ESYT2: variants seen among roughly 807,000 people sequenced by gnomAD.
ESYT2 encodes extended synaptotagmin 2.
A neutral mutation model predicts 107.2 loss-of-function variants in ESYT2; 54 were observed. That is an observed-to-expected ratio of 0.50 (90% CI 0.40 to 0.63). The LOEUF is 0.63. Among genes scored for constraint, ESYT2 ranks in the 30% least tolerant of loss-of-function variants. ESYT2 has a pLI of 0.00. For missense variants in ESYT2, 1,020 were observed against 1,094.5 expected (o/e 0.93, Z 0.96); for synonymous variants, 491 against 434.1 (o/e 1.13, Z -1.63).
chr7:158,814,332 T>A lies in ESYT2; in HGVS notation c.330+14757A>T, dbSNP rs1354487956. Among the ~76,000 whole-genome samples the A allele has an allele frequency of 3.3e-3, 19 of 5,744 alleles. 4 individuals are homozygous for A. Among genetic ancestry groups the A allele is most frequent in the East Asian group, 0.014 (13 of 940 alleles). The allele number at this position is 5,744 out of a possible 152,430, so 3.8% of individuals were successfully genotyped here. ...ATATATATATATATATATATATATA[T>A]ATATATATATATATGAAATAATATA... On this transcript the variant is annotated intron_variant, in intron 1 of 22. Transcript: ENST00000275418.
rs200462803 is a variant in ESYT2 at position 158,734,458 on chromosome 7, A to G, written c.2519T>C (p.Leu840Pro). ...KGLLGKVLVA[L>P]ASEELAKGWT... ...GCCTTTGGCAAGTTCTTCAGATGCC[A>G]GAGCAACCAATACCTGTGGGTTGTT... Residue 840 changes from leucine to proline, a missense_variant, in exon 22 of 23, where the codon CTG (leucine) becomes CCG (proline). Coordinates refer to ENST00000275418, the MANE Select transcript of ESYT2 (RefSeq NM_001367773.1). The G allele has an allele frequency of 1.5e-5, 25 of 1,613,938 alleles. No homozygotes were observed. The highest frequency in any genetic ancestry group is 1.7e-4 in the Middle Eastern group (1 of 6,050).
At chr7:158,779,055 TA>T (rs1414550259) in intron 6 of ESYT2, among the ~76,000 whole-genome samples, 2 of 152,170 alleles carry the variant, frequency 1.3e-5, no homozygotes, top group Middle Eastern at 3.2e-3. Flanking sequence ...ATTTGGCAAG[TA>T]AAACCTCCAT....
chr7:158,800,807 C>T (rs968240650), intron 1 of ESYT2, among the ~76,000 whole-genome samples: 3 of 151,864 alleles, frequency 2.0e-5, no homozygotes, highest in African/African-American at 4.8e-5. Context: ...CGACTCGCCA[C>T]AACCTCCACC....
In ESYT2 at chr7:158,775,005, G is replaced by A. The variant is rs376512905; in HGVS notation, c.748-1609C>T. 3.2e-4 allele frequency among the ~76,000 whole-genome samples: 48 copies of A among 152,252 alleles called. 2 individuals carry two copies. The South Asian group carries it at 1.0e-2, about 32-fold the overall frequency. The stretch of plus-strand genomic sequence containing the variant: ...CAATTCAAAGATGCTATTTAACAAA[G>A]AAATAAAGAATTTTTCCTATACAGG... On this transcript the variant is annotated intron_variant, in intron 6 of 22. Coordinates refer to ENST00000275418, the MANE Select transcript of ESYT2 (RefSeq NM_001367773.1).
intron 4 of ESYT2, among the ~76,000 whole-genome samples, chr7:158,792,051 A>AT (rs1839309012): frequency 6.7e-6 from 1 of 149,358 alleles, no homozygotes; most frequent in Non-Finnish European, 1.5e-5. Flanking sequence ...TGTTTCCTTC[A>AT]TTTTCTTTTG....
chr7:158,826,032 A>C (rs1442018131), intron 1 of ESYT2, among the ~76,000 whole-genome samples: 1 of 150,876 alleles, frequency 6.6e-6, no homozygotes, highest in Non-Finnish European at 1.5e-5. Context: ...AAAAAAAAAA[A>C]AACAAAAACA....
intron 1 of ESYT2, among the ~76,000 whole-genome samples, chr7:158,822,575 C>G (rs1238810022): frequency 6.6e-6 from 1 of 151,612 alleles, no homozygotes; most frequent in Non-Finnish European, 1.5e-5. Flanking sequence ...CCAGCCTGGG[C>G]AACATAGCAA....
At position 158,743,531 on chromosome 7, in the gene ESYT2, G is replaced by A. The variant is rs762342963; in HGVS notation, c.1792C>T (p.Arg598Trp). ...TTCACTGCAGGACGACACGATACCC[G>A]CAGGGCAATCTTCATCTTGATGGTG... is the stretch of plus-strand genomic sequence containing the variant. ...NSTIKMKIAL[R>W]VLHLEKRERP... Residue 598 changes from arginine to tryptophan, a missense_variant and splice_region_variant, in exon 17 of 23, where the codon CGG becomes TGG. Coordinates refer to ENST00000275418, the MANE Select transcript of ESYT2 (RefSeq NM_001367773.1). 5.0e-6 allele frequency: 8 copies of A among 1,609,530 alleles called. No homozygotes were observed. Among genetic ancestry groups the A allele is most frequent in the Non-Finnish European group, 6.8e-6 (8 of 1,178,566 alleles).
chr7:158,772,497 A>C (rs973688307), intron 7 of ESYT2, among the ~76,000 whole-genome samples: 1 of 152,240 alleles, frequency 6.6e-6, no homozygotes, highest in Non-Finnish European at 1.5e-5. Context: ...TCCACTAGAA[A>C]CATATAACTT....
intron 12 of ESYT2, 119 bp downstream of exon 12, chr7:158,759,939 T>C (rs892492638): frequency 3.5e-6 from 3 of 848,014 alleles, no homozygotes; most frequent in South Asian, 1.6e-5. Flanking sequence ...TATTACACAA[T>C]AATGAAAATT....
At chr7:158,736,176 G>C (rs1428604714) in intron 20 of ESYT2, among the ~76,000 whole-genome samples, 1 of 152,228 alleles carries the variant, frequency 6.6e-6, no homozygotes, top group Non-Finnish European at 1.5e-5. Context: ...GGCAAGTGGA[G>C]TCTCCAGACG....
rs1840562482 is a variant in ESYT2, at chr7:158,829,339, C to A, written c.80G>T (p.Gly27Val). 6.9e-7 allele frequency: 1 copy of A among 1,445,240 alleles called. No homozygotes were observed. 89.5% of individuals were successfully genotyped at this position (1,445,240 alleles called of 1,614,324 possible). The change falls in exon 1 of 23, where the codon GGC (glycine) becomes GTC (valine). Residue 27 changes from glycine to valine, a missense_variant. By Grantham distance (109) the Gly-to-Val change is moderately radical. Coordinates refer to ENST00000275418, the MANE Select transcript of ESYT2 (RefSeq NM_001367773.1). ...CCCGGGCAGCTCCACGCTCAGCACG[C>A]CCCCGGGGTTCTCAGGCGCCGCGCG... is the stretch of plus-strand genomic sequence containing the variant. The part of the protein sequence containing the change: ...GGRAAPENPG[G>V]VLSVELPGLL...
chr7:158,775,783 C>T (rs1393557817), intron 6 of ESYT2, among the ~76,000 whole-genome samples: 1 of 152,140 alleles, frequency 6.6e-6, no homozygotes, highest in East Asian at 1.9e-4. Context: ...TTTGTCTCCT[C>T]ATGAATCACT....
chr7:158,767,519 G>A lies in ESYT2; in HGVS notation c.924+135C>T, dbSNP rs1378562368. ...TAAGGAAAGTGACGGACAACCAATA[G>A]TCAATGCATCAAGACCCGTGTGGCA... On this transcript the variant is annotated intron_variant, in intron 8 of 22. Transcript: ENST00000275418. The A allele has an allele frequency of 2.7e-5, 31 of 1,135,478 alleles. No individual in the cohort carries two copies. In the South Asian group the frequency reaches 4.3e-4, roughly 16 times the overall value. The allele number at this position is 1,135,478 out of a possible 1,614,324, so 70.3% of individuals were successfully genotyped here.
rs1305827689 is a variant in ESYT2 at position 158,782,299 on chromosome 7, A to C, written c.747+5705T>G. ...CAAAATGTGAGAAATGTGTGAAACA[A>C]GTGAACAAGTGTGAGTGAACGAGTG... On this transcript the variant is annotated intron_variant, in intron 6 of 22. Coordinates refer to ENST00000275418, the MANE Select transcript of ESYT2 (RefSeq NM_001367773.1). 1.6e-4 allele frequency among the ~76,000 whole-genome samples: 23 copies of C among 145,000 alleles called. No homozygotes were observed. In the South Asian group the frequency reaches 4.4e-3, roughly 28 times the overall value.
chr7:158,746,143 G>A (rs940029291), intron 16 of ESYT2, among the ~76,000 whole-genome samples: 11 of 152,020 alleles, frequency 7.2e-5, no homozygotes, highest in South Asian at 2.1e-4. Context: ...CACTTTGAGA[G>A]GCCAAGGTGG....
intron 1 of ESYT2, among the ~76,000 whole-genome samples, chr7:158,816,007 C>T (rs1019040045): frequency 6.6e-6 from 1 of 152,128 alleles, no homozygotes; most frequent in Non-Finnish European, 1.5e-5. Flanking sequence ...ACGTCCTAAT[C>T]CCTGGAATTT....
intron 9 of ESYT2, among the ~76,000 whole-genome samples, 155 bp downstream of exon 9, chr7:158,764,522 C>A (rs1023803462): frequency 6.6e-6 from 1 of 152,112 alleles, no homozygotes; most frequent in Admixed American, 6.5e-5. Context: ...AGAGAAGGTA[C>A]GACACTTTTT....
At chr7:158,807,296 C>A (rs1839859445) in intron 1 of ESYT2, among the ~76,000 whole-genome samples, 1 of 143,318 alleles carries the variant, frequency 7.0e-6, no homozygotes, top group Admixed American at 6.9e-5. Flanking sequence ...GACTGGAATA[C>A]TAAAAATCTA....
Sources: allele counts gnomAD v4.1 joint callset (sites outside exome capture counted in the v4.1 genomes callset), GRCh38; gene constraint gnomAD v4.1.1; transcripts MANE v1.5; gene names NCBI Gene and HGNC (gene_info 2026-07-23, HGNC 2026-07-21).